CABS1: variants seen among roughly 807,000 people sequenced by gnomAD.
CABS1 encodes the protein calcium binding protein, spermatid associated 1, also known as calcium-binding and spermatid-specific protein 1.
For synonymous variants in CABS1, 195 were observed against 169.0 expected (o/e 1.15, Z -1.19); for missense variants, 500 against 464.3 (o/e 1.08, Z -0.71).
chr4:70,336,432 T>G, intron 1 of CABS1, 86 bp downstream of exon 1: 1 of 587,762 alleles, frequency 1.7e-6, no homozygotes, highest in Non-Finnish European at 2.7e-6. Flanking sequence ...AAAACCGCAG[T>G]GTAAGGGTCC....
Position 70,336,351 on chromosome 4 carries a change from G to T in CABS1, c.*119+5G>T. On this transcript the variant is annotated splice_donor_5th_base_variant and intron_variant, in intron 1 of 1. Coordinates refer to ENST00000273936, the MANE Select transcript of CABS1 (RefSeq NM_033122.4). The stretch of plus-strand genomic sequence containing the variant: ...GAAAGAATGTGGGCATTTAAGGCAA[G>T]TATTCGACTCAATAAATGCAGATGC... The T allele has an allele frequency of 7.7e-7, 1 of 1,305,308 alleles. No homozygotes were observed. 80.9% of individuals were successfully genotyped at this position (1,305,308 alleles called of 1,614,324 possible).
At position 70,335,870 on chromosome 4, in the gene CABS1, C is replaced by T. The variant is rs1001089388; in HGVS notation, c.831C>T (p.Asp277=). ...VFELTTSAEK[D]KDKREDTLLT... The stretch of plus-strand genomic sequence containing the variant: ...AACTCACTACCTCTGCTGAAAAAGA[C>T]AAAGATAAACGGGAAGATACTCTGC... Residue 277 remains aspartate (D), a synonymous_variant, in exon 1 of 2, where the codon GAC becomes GAT. Transcript: ENST00000273936. 5.0e-6 allele frequency: 8 copies of T among 1,613,546 alleles called. No homozygotes were observed. The highest frequency in any genetic ancestry group is 6.8e-6 in the Non-Finnish European group (8 of 1,179,726).
chr4:70,336,408 G>T, intron 1 of CABS1, 62 bp downstream of exon 1: 12 of 780,630 alleles, frequency 1.5e-5, no homozygotes, highest in South Asian at 3.4e-5. Context: ...CAGATTTACG[G>T]AAACTTAGAA....
At position 70,335,245 on chromosome 4, in the gene CABS1, C is replaced by G. The variant is rs1731692712; in HGVS notation, c.206C>G (p.Thr69Arg). 2 of 1,613,412 alleles carry G rather than the reference C, an allele frequency of 1.2e-6. No homozygotes were observed. The highest frequency in any genetic ancestry group is 1.7e-5 in the Admixed American group (1 of 59,880). ...TCAACAACTACAGACAACAAACTGA[C>G]AGCTAAAAAGGAAAAACTCAAATCA... is the stretch of plus-strand genomic sequence containing the variant. Reference protein sequence around the residue: ...DFSTTTDNKLTAKKEKLKSED... With the variant: ...DFSTTTDNKLRAKKEKLKSED... Residue 69 changes from threonine to arginine, a missense_variant, in exon 1 of 2, where the codon ACA becomes AGA. Transcript: ENST00000273936.
chr4:70,337,010 C>T lies in CABS1; in HGVS notation c.*164C>T, dbSNP rs552290398. 13 of 150,272 alleles carry T rather than the reference C, an allele frequency of 8.7e-5. No individual in the cohort carries two copies. The highest frequency in any genetic ancestry group is 1.5e-4 in the Non-Finnish European group (10 of 66,510). 9.3% of individuals were successfully genotyped at this position (150,272 alleles called of 1,614,324 possible). A position where few individuals can be genotyped will look rare whatever the true frequency, so the allele number is the denominator to read the frequency against. On this transcript the variant is annotated 3_prime_UTR_variant, in exon 2 of 2. Coordinates refer to ENST00000273936, the MANE Select transcript of CABS1 (RefSeq NM_033122.4). ...ACACTCTTCTTATGACTCTTGTTAG[C>T]GATTCAAGGACATAAATCTTCATTC...
At position 70,336,082 on chromosome 4, in the gene CABS1, A is replaced by T. The variant is rs372435553; in HGVS notation, c.1043A>T (p.Asn348Ile). 5.6e-6 allele frequency: 9 copies of T among 1,613,340 alleles called. No individual in the cohort carries two copies. In the African/African-American group the frequency reaches 1.2e-4, roughly 22 times the overall value. The change falls in exon 1 of 2, where the codon AAT becomes ATT. Residue 348 changes from asparagine (N) to isoleucine (I), a missense_variant. Physicochemically the swap from Asn to Ile is moderately radical, Grantham distance 149. Transcript: ENST00000273936. ...GAAGAAGATTTGTCTGAAACTGATA[A>T]TACAGAGACTGTACCTAAGATCACT... is the stretch of plus-strand genomic sequence containing the variant. The part of the protein sequence containing the change: ...STEEDLSETD[N>I]TETVPKITEP...
In CABS1 at chr4:70,335,274, G is replaced by T. The variant is rs1259263072; in HGVS notation, c.235G>T (p.Asp79Tyr). 6.2e-7 allele frequency: 1 copy of T among 1,613,534 alleles called. No homozygotes were observed. The highest frequency in any genetic ancestry group is 1.3e-5 in the African/African-American group (1 of 74,848). Reference protein sequence around the residue: ...TAKKEKLKSEDDMGTDFIKST... With the variant: ...TAKKEKLKSEYDMGTDFIKST... ...TAAAAAGGAAAAACTCAAATCAGAAGATGATATGGGGACCGACTTTATTAA... is the reference window on the plus strand; with the variant it reads ...TAAAAAGGAAAAACTCAAATCAGAATATGATATGGGGACCGACTTTATTAA... Residue 79 changes from aspartate (D) to tyrosine (Y), a missense_variant, in exon 1 of 2, where the codon GAT (aspartate) becomes TAT (tyrosine). Asp to Tyr is a radical substitution (Grantham distance 160). Transcript: ENST00000273936.
Position 70,335,250 on chromosome 4 carries a change from A to G in CABS1, c.211A>G (p.Lys71Glu), listed in dbSNP as rs1374132825. Residue 71 changes from lysine (K) to glutamate (E), a missense_variant, in exon 1 of 2, where the codon AAA becomes GAA. Physicochemically the swap from Lys to Glu is moderately conservative, Grantham distance 56. Coordinates refer to ENST00000273936, the MANE Select transcript of CABS1 (RefSeq NM_033122.4). Reference protein sequence around the residue: ...STTTDNKLTAKKEKLKSEDDM... With the variant: ...STTTDNKLTAEKEKLKSEDDM... ...AACTACAGACAACAAACTGACAGCTAAAAAGGAAAAACTCAAATCAGAAGA... is the reference window on the plus strand; with the variant it reads ...AACTACAGACAACAAACTGACAGCTGAAAAGGAAAAACTCAAATCAGAAGA... The G allele has an allele frequency of 6.2e-7, 1 of 1,613,496 alleles. No homozygotes were observed.
Position 70,335,768 on chromosome 4 carries a change from C to T in CABS1, c.729C>T (p.Asp243=), listed in dbSNP as rs1264428536. 3.1e-6 allele frequency: 5 copies of T among 1,613,410 alleles called. No individual in the cohort carries two copies. The highest frequency in any genetic ancestry group is 4.2e-6 in the Non-Finnish European group (5 of 1,179,740). The change falls in exon 1 of 2, where the codon GAC becomes GAT. Residue 243 remains aspartate, a synonymous_variant. Transcript: ENST00000273936. ...ALEEEKITEI[D]LSVLEDDTSA... ...AAGAAGAGAAAATAACCGAAATTGA[C>T]CTAAGTGTTTTAGAAGATGACACCA... is the stretch of plus-strand genomic sequence containing the variant.
In CABS1 at chr4:70,335,094, A is replaced by T. The variant is rs968248490; in HGVS notation, c.55A>T (p.Lys19Ter). ...TTCTCATCCTCCAACAGAAAGCAGT[A>T]AAACACCAACTGCAGCAACCATTTT... Reference protein sequence around the residue: ...IYSHPPTESSKTPTAATIFFG... With the variant: ...IYSHPPTESS The change falls in exon 1 of 2, where the codon AAA becomes TAA. Residue 19 changes from lysine to a stop codon, truncating the protein, a stop_gained. Coordinates refer to ENST00000273936, the MANE Select transcript of CABS1 (RefSeq NM_033122.4). LOFTEE classifies it low-confidence loss of function (END_TRUNC). 6 of 1,613,490 alleles carry T rather than the reference A, an allele frequency of 3.7e-6. No homozygotes were observed. In the African/African-American group the frequency reaches 8.0e-5, roughly 22 times the overall value.
At position 70,335,983 on chromosome 4, in the gene CABS1, C is replaced by T; in HGVS notation, c.944C>T (p.Thr315Ile). ...GCAGAGACCCATTCTGTTTTGCTTA[C>T]TGCTGTTGAATCCAGATATGACTTC... ...NEAETHSVLL[T>I]AVESRYDFVV... Residue 315 changes from threonine to isoleucine, a missense_variant, in exon 1 of 2, where the codon ACT becomes ATT. Physicochemically the swap from Thr to Ile is moderately conservative, Grantham distance 89. Coordinates refer to ENST00000273936, the MANE Select transcript of CABS1 (RefSeq NM_033122.4). 1 of 1,613,562 alleles carries T rather than the reference C, an allele frequency of 6.2e-7. No homozygotes were observed. The highest frequency in any genetic ancestry group is 8.5e-7 in the Non-Finnish European group (1 of 1,179,686).
At chr4:70,336,565 A>G (rs1342773343) in intron 1 of CABS1, among the ~76,000 whole-genome samples, 1 of 151,974 alleles carries the variant, frequency 6.6e-6, no homozygotes. Context: ...TTAATGATGC[A>G]TATCATTTAG....
chr4:70,335,269 C>A lies in CABS1; in HGVS notation c.230C>A (p.Ser77Ter). Residue 77 changes from serine (S) to a stop codon, truncating the protein, a stop_gained, in exon 1 of 2, where the codon TCA (serine) becomes TAA (stop). Transcript: ENST00000273936. LOFTEE classifies it low-confidence loss of function (END_TRUNC). Reference protein sequence around the residue: ...KLTAKKEKLKSEDDMGTDFIK... With the variant: ...KLTAKKEKLK Reference sequence around the variant, plus strand: ...ACAGCTAAAAAGGAAAAACTCAAATCAGAAGATGATATGGGGACCGACTTT... The same window carrying A: ...ACAGCTAAAAAGGAAAAACTCAAATAAGAAGATGATATGGGGACCGACTTT... 6.2e-7 allele frequency: 1 copy of A among 1,613,636 alleles called. No homozygotes were observed.
Position 70,336,106 on chromosome 4 carries a change from C to G in CABS1, c.1067C>G (p.Thr356Ser), listed in dbSNP as rs959503798. The change falls in exon 1 of 2, where the codon ACT (threonine) becomes AGT (serine). Residue 356 changes from threonine (T) to serine (S), a missense_variant. Thr to Ser is a moderately conservative substitution (Grantham distance 58). Transcript: ENST00000273936. Reference protein sequence around the residue: ...TDNTETVPKITEPFSGTTSVL... With the variant: ...TDNTETVPKISEPFSGTTSVL... ...AATACAGAGACTGTACCTAAGATCA[C>G]TGAGCCATTTTCTGGAACTACCTCT... 3 of 1,613,232 alleles carry G rather than the reference C, an allele frequency of 1.9e-6. No homozygotes were observed. The Admixed American group carries it at 5.0e-5, about 27-fold the overall frequency.
In CABS1 at chr4:70,336,246, C is replaced by G. The variant is rs1286778759; in HGVS notation, c.*19C>G. 5.7e-6 allele frequency: 9 copies of G among 1,583,932 alleles called. No homozygotes were observed. Among genetic ancestry groups the G allele is most frequent in the Non-Finnish European group, 7.7e-6 (9 of 1,167,520 alleles). On this transcript the variant is annotated 3_prime_UTR_variant, in exon 1 of 2. Coordinates refer to ENST00000273936, the MANE Select transcript of CABS1 (RefSeq NM_033122.4). ...GATTTAAAAGCAACAAAAGGGATAC[C>G]ATGTAGAATTGTGCAATAGTCTAGC...
At position 70,335,034 on chromosome 4, in the gene CABS1, C is replaced by A; in HGVS notation, c.-6C>A. 6.2e-7 allele frequency: 1 copy of A among 1,608,384 alleles called. No individual in the cohort carries two copies. Among genetic ancestry groups the A allele is most frequent in the Non-Finnish European group, 8.5e-7 (1 of 1,176,972 alleles). ...CCTGTGAGAGTGCACAGTGCCACTT[C>A]GCCCCATGGCTGAAGATGGTTTGCC... On this transcript the variant is annotated 5_prime_UTR_variant, in exon 1 of 2. Coordinates refer to ENST00000273936, the MANE Select transcript of CABS1 (RefSeq NM_033122.4).
chr4:70,336,218 C>G lies in CABS1; in HGVS notation c.1179C>G (p.Phe393Leu). The stretch of plus-strand genomic sequence containing the variant: ...TACTGAAAGAAGAACCCGATGAGTT[C>G]ATGATTTAAAAGCAACAAAAGGGAT... The part of the protein sequence containing the change: ...FELLKEEPDE[F>L]MI The change falls in exon 1 of 2, where the codon TTC becomes TTG. Residue 393 changes from phenylalanine to leucine, a missense_variant. Physicochemically the swap from Phe to Leu is conservative, Grantham distance 22. Transcript: ENST00000273936. 1 of 1,607,622 alleles carries G rather than the reference C, an allele frequency of 6.2e-7. No individual in the cohort carries two copies. The highest frequency in any genetic ancestry group is 8.5e-7 in the Non-Finnish European group (1 of 1,177,294).
At chr4:70,336,400 G>T in intron 1 of CABS1, 54 bp downstream of exon 1, 2 of 845,606 alleles carry the variant, frequency 2.4e-6, no homozygotes, top group Non-Finnish European at 1.7e-6. Context: ...TCATGTAACA[G>T]ATTTACGGAA....
In CABS1 at chr4:70,335,256, G is replaced by A; in HGVS notation, c.217G>A (p.Glu73Lys). ...TTDNKLTAKK[E>K]KLKSEDDMGT... ...AGACAACAAACTGACAGCTAAAAAG[G>A]AAAAACTCAAATCAGAAGATGATAT... Residue 73 changes from glutamate to lysine, a missense_variant, in exon 1 of 2, where the codon GAA becomes AAA. Physicochemically the swap from Glu to Lys is moderately conservative, Grantham distance 56. Coordinates refer to ENST00000273936, the MANE Select transcript of CABS1 (RefSeq NM_033122.4). 5 of 1,613,436 alleles carry A rather than the reference G, an allele frequency of 3.1e-6. No homozygotes were observed. Among genetic ancestry groups the A allele is most frequent in the Non-Finnish European group, 3.4e-6 (4 of 1,179,814 alleles).
Sources: gnomAD v4.1 joint callset for allele counts (sites outside exome capture counted in the v4.1 genomes callset) on GRCh38, gnomAD v4.1.1 for gene constraint, MANE v1.5 for transcripts, NCBI Gene and HGNC (gene_info 2026-07-23, HGNC 2026-07-21) for gene names.